PRRC2B: variants seen among roughly 807,000 people sequenced by gnomAD.
PRRC2B encodes proline rich coiled-coil 2B, also known as protein PRRC2B.
In PRRC2B, 68 loss-of-function variants were observed where a neutral mutation model predicts 242.3. That is an observed-to-expected ratio of 0.28 (90% CI 0.23 to 0.34). The LOEUF (loss-of-function observed/expected upper bound fraction) is 0.34. Among genes scored for constraint, PRRC2B ranks in the 10% least tolerant of loss-of-function variants. The pLI, the probability that PRRC2B is intolerant of heterozygous loss-of-function variation, is 1.00. For missense variants in PRRC2B, 2,835 were observed against 2,954.8 expected, an observed-to-expected ratio of 0.96 and a Z score of 0.94; for synonymous variants, 1,228 against 1,173.6, an observed-to-expected ratio of 1.05 and a Z score of -0.95.
At chr9:131,387,592 A>T (rs973123037) in intron 1 of PRRC2B, among the ~76,000 whole-genome samples, 3 of 149,984 alleles carry the variant, frequency 2.0e-5, no homozygotes, top group Admixed American at 6.9e-5. Context: ...TCCCTGAGGG[A>T]TTTGCATCAA....
chr9:131,459,029 T>C, intron 10 of PRRC2B, 135 bp from the exon 11 acceptor site: 1 of 695,132 alleles, frequency 1.4e-6, no homozygotes, highest in Non-Finnish European at 2.4e-6. Context: ...ATGGAAGTAG[T>C]GGGAGTGGTG....
intron 1 of PRRC2B, among the ~76,000 whole-genome samples, chr9:131,402,033 C>G (rs550852671): frequency 6.6e-6 from 1 of 151,942 alleles, no homozygotes; most frequent in South Asian, 2.1e-4. Context: ...TGCAATGGCA[C>G]GATCTCGGCT....
rs1200426295 is a variant in PRRC2B, at chr9:131,474,587, A to G, written c.2458A>G (p.Ile820Val). The change falls in exon 16 of 32, where the codon ATC becomes GTC. Residue 820 changes from isoleucine to valine, a missense_variant. By Grantham distance (29) the Ile-to-Val change is conservative. Coordinates refer to ENST00000683519, the MANE Select transcript of PRRC2B (RefSeq NM_013318.4). The part of the protein sequence containing the change: ...KKAQADFDSC[I>V]SSQRIGQELL... ...GGCCCAAGCAGACTTTGACAGCTGT[A>G]TCTCTTCTCAAAGAATAGGCCAGGA... The G allele has an allele frequency of 3.7e-6, 6 of 1,614,030 alleles. No individual in the cohort carries two copies. The highest frequency in any genetic ancestry group is 4.2e-6 in the Non-Finnish European group (5 of 1,179,902).
intron 12 of PRRC2B, among the ~76,000 whole-genome samples, chr9:131,466,751 C>G (rs1943406076): frequency 6.6e-6 from 1 of 152,088 alleles, no homozygotes; most frequent in Non-Finnish European, 1.5e-5. Flanking sequence ...TCCCATATAG[C>G]TGGGATTACA....
chr9:131,445,887 C>T (rs561675680), intron 6 of PRRC2B, among the ~76,000 whole-genome samples: 1 of 152,324 alleles, frequency 6.6e-6, no homozygotes, highest in South Asian at 2.1e-4. Context: ...CGCAAGTGCC[C>T]CACACCTCCA....
chr9:131,482,681 T>C lies in PRRC2B; in HGVS notation c.5176-29T>C, dbSNP rs1382047854. The C allele has an allele frequency of 6.5e-7, 1 of 1,536,056 alleles. No homozygotes were observed. Among genetic ancestry groups the C allele is most frequent in the Non-Finnish European group, 8.8e-7 (1 of 1,142,196 alleles). ...GAGAGTGTGGTCATTCCAGTCTGTG[T>C]GTCTCCACCTCTCTGCTTTTTTATC... On this transcript the variant is annotated intron_variant, in intron 21 of 31. Transcript: ENST00000683519. The surrounding 1 kb of genome is among the most constrained non-coding windows in gnomAD (Gnocchi z 5.2).
chr9:131,447,983 C>T (rs1355500218), intron 9 of PRRC2B, 179 bp downstream of exon 9: 6 of 500,608 alleles, frequency 1.2e-5, no homozygotes, highest in Non-Finnish European at 2.0e-5. Context: ...CTAGAGGTTC[C>T]TTCCTGGCCA....
At position 131,481,748 on chromosome 9, in the gene PRRC2B, C is replaced by T; in HGVS notation, c.4923C>T (p.Ala1641=). The T allele has an allele frequency of 1.3e-6, 2 of 1,565,960 alleles. No homozygotes were observed. The highest frequency in any genetic ancestry group is 1.7e-6 in the Non-Finnish European group (2 of 1,155,994). The change falls in exon 20 of 32, where the codon GCC becomes GCT. Residue 1641 remains alanine (A), a synonymous_variant. Transcript: ENST00000683519. ...SSQALPVQAP[A]NDSWRKAVTA... ...CAGCTCTCCCTGTGCAGGCCCCAGC[C>T]AACGACTCCTGGAGGAAAGCTGTCA...
At chr9:131,471,022 C>T (rs1257804444) in intron 14 of PRRC2B, 39 bp downstream of exon 14, 19 of 1,480,094 alleles carry the variant, frequency 1.3e-5, no homozygotes, top group Non-Finnish European at 1.8e-5. Context: ...CTGTATCACC[C>T]AGGATAGCGT....
chr9:131,469,194 C>T lies in PRRC2B; in HGVS notation c.1911+1441C>T, dbSNP rs903296672. On this transcript the variant is annotated intron_variant, in intron 13 of 31. Transcript: ENST00000683519. ...ACTAAAAATACAAAAATTAGCCAGGCGTGGTGCCGCACACCTGTAATCCGA... is the reference window on the plus strand; with the variant it reads ...ACTAAAAATACAAAAATTAGCCAGGTGTGGTGCCGCACACCTGTAATCCGA... Among the ~76,000 whole-genome samples, 21 of 152,194 alleles carry T rather than the reference C, an allele frequency of 1.4e-4. No individual in the cohort carries two copies. The East Asian group carries it at 3.1e-3, about 22-fold the overall frequency.
chr9:131,386,546 T>C (rs1836828048), intron 1 of PRRC2B, among the ~76,000 whole-genome samples: 1 of 150,184 alleles, frequency 6.7e-6, no homozygotes, highest in Admixed American at 7.0e-5. Context: ...TACTTCCTCA[T>C]CTGTCTTCCC....
At position 131,478,456 on chromosome 9, in the gene PRRC2B, C is replaced by T. The variant is rs745650069; in HGVS notation, c.4613-18C>T. The stretch of plus-strand genomic sequence containing the variant: ...GGTGAGTGGAAAGACTGTTCCTTCT[C>T]GTGAAATCTTGGTTCAGGTGCCATC... On this transcript the variant is annotated intron_variant, in intron 17 of 31. Transcript: ENST00000683519. 8.1e-6 allele frequency: 13 copies of T among 1,611,298 alleles called. No individual in the cohort carries two copies. The highest frequency in any genetic ancestry group is 1.7e-5 in the Admixed American group (1 of 59,944).
chr9:131,392,999 A>G (rs1836930475), upstream of PRRC2B, among the ~76,000 whole-genome samples: 1 of 152,170 alleles, frequency 6.6e-6, no homozygotes, highest in African/African-American at 2.4e-5. Context: ...TCAGAGAATT[A>G]TAAATAAGGC....
intron 1 of PRRC2B, among the ~76,000 whole-genome samples, chr9:131,404,216 CTTT>C (rs34149279): frequency 3.1e-5 from 4 of 127,034 alleles, no homozygotes; most frequent in Non-Finnish European, 3.4e-5. Context: ...TCCCAGTTGA[CTTT>C]TTTTTTTTTT....
intron 9 of PRRC2B, among the ~76,000 whole-genome samples, chr9:131,451,241 T>C (rs952524340): frequency 3.4e-4 from 52 of 152,116 alleles, no homozygotes; most frequent in African/African-American, 1.2e-3. Context: ...CTGCTAAAAA[T>C]ACAAAAAATT....
chr9:131,390,871 C>A (rs1836892867), upstream of PRRC2B, among the ~76,000 whole-genome samples: 1 of 150,604 alleles, frequency 6.6e-6, no homozygotes, highest in Non-Finnish European at 1.5e-5. Context: ...ACTGCAACCT[C>A]CACCTCCCAG....
intron 18 of PRRC2B, 30 bp downstream of exon 18, chr9:131,478,649 G>GGGGGGGGGCCCGGGGGC: frequency 2.0e-6 from 1 of 504,552 alleles, no homozygotes; most frequent in Admixed American, 2.3e-5. Context: ...GGGGCATGGG[G>GGGGGGGGGCCCGGGGGC]CTGGAGGGCA....
Position 131,446,593 on chromosome 9 carries a change from T to C in PRRC2B, c.806T>C (p.Met269Thr). Reference protein sequence around the residue: ...QPVRKGASQFMGNVYHPPTYH... With the variant: ...QPVRKGASQFTGNVYHPPTYH... Reference sequence around the variant, plus strand: ...GTCCGAAAAGGGGCTTCACAGTTCATGGGAAATGTATACCACCCACCTACA... The same window carrying C: ...GTCCGAAAAGGGGCTTCACAGTTCACGGGAAATGTATACCACCCACCTACA... Residue 269 changes from methionine (M) to threonine (T), a missense_variant, in exon 7 of 32, where the codon ATG becomes ACG. Met to Thr is a moderately conservative substitution (Grantham distance 81). Around this residue, in one of 7 missense-constraint regions of PRRC2B, gnomAD observed 626 missense variants for 685.5 expected, o/e 0.91. Coordinates refer to ENST00000683519, the MANE Select transcript of PRRC2B (RefSeq NM_013318.4). This position sits in a 1 kb window ranked among gnomAD's most constrained non-coding sequence, Gnocchi z 4.1. 6.2e-7 allele frequency: 1 copy of C among 1,613,996 alleles called. No homozygotes were observed. Among genetic ancestry groups the C allele is most frequent in the Non-Finnish European group, 8.5e-7 (1 of 1,179,872 alleles).
chr9:131,403,787 C>T (rs1183991202), intron 1 of PRRC2B, among the ~76,000 whole-genome samples: 1 of 151,896 alleles, frequency 6.6e-6, no homozygotes, highest in Non-Finnish European at 1.5e-5. Context: ...AGGCTCAGTG[C>T]ACGTATAAAT....
Sources: gnomAD v4.1 joint callset for allele counts (sites outside exome capture counted in the v4.1 genomes callset) on GRCh38, gnomAD v4.1.1 for gene constraint, gnomAD v4.1.1 regional missense constraint, Gnocchi (gnomAD v3.1) non-coding constraint, MANE v1.5 for transcripts, NCBI Gene and HGNC (gene_info 2026-07-23, HGNC 2026-07-21) for gene names.